MACROD2: variants seen among roughly 807,000 people sequenced by gnomAD.
The protein encoded by MACROD2 is mono-ADP ribosylhydrolase 2, also known as ADP-ribose glycohydrolase MACROD2.
MACROD2 carries 36 observed loss-of-function variants against 70.4 expected under a neutral mutation model. That is an observed-to-expected ratio of 0.51 (90% CI 0.39 to 0.68). The LOEUF is 0.68. MACROD2 is among the 30% of genes least tolerant of loss of function. MACROD2 has a pLI of 0.00. For missense variants in MACROD2, 496 were observed against 538.4 expected (o/e 0.92, Z 0.78); for synonymous variants, 172 against 178.8 (o/e 0.96, Z 0.30).
intron 12 of MACROD2, among the ~76,000 whole-genome samples, chr20:15,966,010 A>G (rs955762299): frequency 2.6e-5 from 4 of 152,186 alleles, no homozygotes; most frequent in Non-Finnish European, 5.9e-5. Flanking sequence ...TATGTTAACT[A>G]CCCAGGTTTC....
intron 7 of MACROD2, among the ~76,000 whole-genome samples, chr20:15,499,398 T>G (rs1429834097): frequency 6.6e-6 from 1 of 152,192 alleles, no homozygotes; most frequent in African/African-American, 2.4e-5. Flanking sequence ...CTGAGACACA[T>G]GTACTTTTTT....
At chr20:14,923,819 G>T (rs1009507697) in intron 5 of MACROD2, among the ~76,000 whole-genome samples, 4 of 148,158 alleles carry the variant, frequency 2.7e-5, no homozygotes, top group East Asian at 4.0e-4. Context: ...GGGCGGGGAG[G>T]GGGTGGAGGG....
At chr20:15,431,685 A>G (rs2046365334) in intron 7 of MACROD2, among the ~76,000 whole-genome samples, 1 of 152,048 alleles carries the variant, frequency 6.6e-6, no homozygotes, top group Non-Finnish European at 1.5e-5. Flanking sequence ...TTGTTAAACA[A>G]AAAATTTGGT....
intron 5 of MACROD2, among the ~76,000 whole-genome samples, chr20:14,735,355 C>T (rs983622633): frequency 1.3e-5 from 2 of 152,070 alleles, no homozygotes; most frequent in Admixed American, 6.5e-5. Flanking sequence ...AGAAGGTATA[C>T]GAATGGCCAA....
intron 4 of MACROD2, among the ~76,000 whole-genome samples, chr20:14,594,162 C>T (rs1343408709): frequency 1.3e-5 from 2 of 152,202 alleles, no homozygotes; most frequent in East Asian, 3.8e-4. Context: ...CAAGGACCTT[C>T]TGCTGACTTT....
chr20:15,996,182 T>G (rs1363814073), intron 15 of MACROD2, among the ~76,000 whole-genome samples: 1 of 152,218 alleles, frequency 6.6e-6, no homozygotes, highest in African/African-American at 2.4e-5. Flanking sequence ...CTTTCTTGCC[T>G]TTTTAATGAA....
chr20:15,497,127 T>C (rs1249084224), intron 7 of MACROD2, among the ~76,000 whole-genome samples: 1 of 152,096 alleles, frequency 6.6e-6, no homozygotes, highest in African/African-American at 2.4e-5. Context: ...AAGCCAGGGA[T>C]GACATTTGTT....
intron 5 of MACROD2, among the ~76,000 whole-genome samples, chr20:15,208,679 T>C (rs1012824048): frequency 6.6e-6 from 1 of 152,168 alleles, no homozygotes; most frequent in Non-Finnish European, 1.5e-5. Context: ...TTCTTTCTGC[T>C]GAGAAGAGTT....
At chr20:14,787,918 C>T (rs2072394881) in intron 5 of MACROD2, among the ~76,000 whole-genome samples, 1 of 152,074 alleles carries the variant, frequency 6.6e-6, no homozygotes, top group African/African-American at 2.4e-5. Context: ...AATAAGACAG[C>T]ACATTTCTAA....
intron 5 of MACROD2, among the ~76,000 whole-genome samples, chr20:15,131,653 A>C (rs140328381): frequency 6.6e-6 from 1 of 152,218 alleles, no homozygotes; most frequent in African/African-American, 2.4e-5. Flanking sequence ...TGATAATGGA[A>C]GATTGAATTG....
At chr20:15,400,699 C>T (rs1316067325) in intron 6 of MACROD2, among the ~76,000 whole-genome samples, 3 of 152,292 alleles carry the variant, frequency 2.0e-5, no homozygotes, top group Non-Finnish European at 2.9e-5. Context: ...GAGATGCCAT[C>T]ATATAGGCTA....
At chr20:14,291,324 G>C (rs536350385) in intron 3 of MACROD2, among the ~76,000 whole-genome samples, 2 of 152,254 alleles carry the variant, frequency 1.3e-5, no homozygotes, top group African/African-American at 4.8e-5. Context: ...TTTAGCTGTG[G>C]GAATTTGAGA....
chr20:15,953,078 A>T (rs1194017308), intron 12 of MACROD2, among the ~76,000 whole-genome samples: 1 of 152,178 alleles, frequency 6.6e-6, no homozygotes, highest in African/African-American at 2.4e-5. Flanking sequence ...ATAGAACTGG[A>T]GAACATGATG....
chr20:15,138,479 C>A (rs6079676), intron 5 of MACROD2, among the ~76,000 whole-genome samples: 89,773 of 151,960 alleles, frequency 0.59, 26,640 homozygotes, highest in East Asian at 0.61. Context: ...GAAGCTATAG[C>A]AAATGAATAT....
At chr20:14,817,653 G>A (rs552460814) in intron 5 of MACROD2, among the ~76,000 whole-genome samples, 102 of 152,146 alleles carry the variant, frequency 6.7e-4, no homozygotes, top group African/African-American at 2.1e-3. Flanking sequence ...CTGTTTGTTT[G>A]GTTTATTTTA....
intron 3 of MACROD2, among the ~76,000 whole-genome samples, chr20:14,427,609 C>T (rs1285641070): frequency 6.6e-6 from 1 of 151,860 alleles, no homozygotes; most frequent in African/African-American, 2.4e-5. Flanking sequence ...TATGCAAATC[C>T]ACAACCATGA....
At chr20:14,663,856 AGAC>A (rs2070706564) in intron 4 of MACROD2, among the ~76,000 whole-genome samples, 2 of 152,096 alleles carry the variant, frequency 1.3e-5, no homozygotes, top group Non-Finnish European at 2.9e-5. Flanking sequence ...CATTCTGAGA[AGAC>A]AATTAATTTT....
At chr20:14,425,098 G>A (rs1364635746) in intron 3 of MACROD2, among the ~76,000 whole-genome samples, 2 of 152,040 alleles carry the variant, frequency 1.3e-5, no homozygotes, top group African/African-American at 2.4e-5. Context: ...GTTTACCTAC[G>A]TAACAGCAGT....
rs1024455281 is a variant in MACROD2 at position 15,697,020 on chromosome 20, T to A, written c.646-165725T>A. On this transcript the variant is annotated intron_variant, in intron 8 of 17. Coordinates refer to ENST00000684519, the MANE Select transcript of MACROD2 (RefSeq NM_001351661.2). ...AAAGAACCAGCTTTTGTTTTATTTA[T>A]CTTTTGTATTGTCTTTTTTGTTCCA... Among the ~76,000 whole-genome samples the A allele has an allele frequency of 3.3e-5, 5 of 152,266 alleles. No individual in the cohort carries two copies. In the East Asian group the frequency reaches 9.6e-4, roughly 29 times the overall value.
Sources: gnomAD v4.1 joint callset for allele counts (sites outside exome capture counted in the v4.1 genomes callset) on GRCh38, gnomAD v4.1.1 for gene constraint, MANE v1.5 for transcripts, NCBI Gene and HGNC (gene_info 2026-07-23, HGNC 2026-07-21) for gene names.